Variants in GORASP2 observed in about 807,000 individuals in gnomAD.
GORASP2 encodes the protein golgi reassembly stacking protein 2.
A neutral mutation model predicts 45.7 loss-of-function variants in GORASP2; 22 were observed. That is an observed-to-expected ratio of 0.48 (90% CI 0.34 to 0.69). GORASP2 has a LOEUF of 0.69. GORASP2 is among the 30% of genes least tolerant of loss of function. The pLI is 0.01. For missense variants in GORASP2, 491 were observed against 562.7 expected, an observed-to-expected ratio of 0.87 and a Z score of 1.29; for synonymous variants, 221 against 215.6, an observed-to-expected ratio of 1.02 and a Z score of -0.22.
rs921536773 is a variant in GORASP2, at chr2:170,951,412, C to T, written c.520C>T (p.Arg174Ter). The change falls in exon 5 of 10, where the codon CGA (arginine) becomes TGA (stop). Residue 174 changes from arginine to a stop codon, truncating the protein, a stop_gained. Coordinates refer to ENST00000234160, the MANE Select transcript of GORASP2 (RefSeq NM_015530.5). LOFTEE classifies it high-confidence loss of function. The part of the protein sequence containing the change: ...YVYNTDTDNC[R>*]EVIITPNSAW... ...GTACAACACAGACACTGATAACTGT[C>T]GAGAAGTGATTATTACACCAAATTC... 1.2e-6 allele frequency: 2 copies of T among 1,611,284 alleles called. No homozygotes were observed. The highest frequency in any genetic ancestry group is 1.3e-5 in the African/African-American group (1 of 74,914).
chr2:170,955,465 A>G (rs1704403199), intron 6 of GORASP2, among the ~76,000 whole-genome samples: 1 of 152,200 alleles, frequency 6.6e-6, no homozygotes, highest in Non-Finnish European at 1.5e-5. Flanking sequence ...GGGCTTTTGA[A>G]TGTTTCTTAA....
intron 1 of GORASP2, among the ~76,000 whole-genome samples, chr2:170,946,853 T>C (rs1327569895): frequency 6.6e-6 from 1 of 151,796 alleles, no homozygotes; most frequent in African/African-American, 2.4e-5. Context: ...GGCACAAGAA[T>C]TGCTTGAACC....
At chr2:170,929,582 G>A in intron 1 of GORASP2, 179 bp downstream of exon 1, 1 of 575,486 alleles carries the variant, frequency 1.7e-6, no homozygotes, top group Non-Finnish European at 3.1e-6. Flanking sequence ...TCCCACCTCC[G>A]CGGAGCGCCC....
In GORASP2 at chr2:170,956,446, C is replaced by A. The variant is rs1252901372; in HGVS notation, c.710C>A (p.Ser237Tyr). The A allele has an allele frequency of 6.2e-7, 1 of 1,610,314 alleles. No individual in the cohort carries two copies. The highest frequency in any genetic ancestry group is 8.5e-7 in the Non-Finnish European group (1 of 1,178,924). ...LKDGFTEVQL[S>Y]SVNPPSLSPP... ...TTCTTTTTTTGGAAGGTCCAGCTGT[C>A]CTCAGTTAATCCCCCGTCTTTGTCA... The change falls in exon 7 of 10, where the codon TCC becomes TAC. Residue 237 changes from serine to tyrosine, a missense_variant. Transcript: ENST00000234160.
intron 2 of GORASP2, 98 bp downstream of exon 2, chr2:170,948,528 C>A: frequency 1.5e-6 from 1 of 664,690 alleles, no homozygotes; most frequent in South Asian, 1.8e-5. Flanking sequence ...TAGTTACAAT[C>A]ATTATGTGTA....
At chr2:170,936,521 T>G (rs1044050046) in intron 1 of GORASP2, 5 of 594,870 alleles carry the variant, frequency 8.4e-6, no homozygotes, top group East Asian at 6.8e-5. Context: ...CACCTAGTCC[T>G]AAGTAGTTAC....
rs1437987175 is a variant in GORASP2 at position 170,948,416 on chromosome 2, A to AAT, written c.131_132dup (p.Gly45MetfsTer5). The AAT allele has an allele frequency of 5.8e-6, 9 of 1,559,476 alleles. No individual in the cohort carries two copies. Among genetic ancestry groups the AAT allele is most frequent in the Non-Finnish European group, 8.0e-6 (9 of 1,131,988 alleles). On this transcript the variant is annotated frameshift_variant, in exon 2 of 10. Coordinates refer to ENST00000234160, the MANE Select transcript of GORASP2 (RefSeq NM_015530.5). LOFTEE classifies it high-confidence loss of function. ...TTTCTTTGATTTTATTGTTTCTATT[A>AAT]ATGGTTCAAGATTAGTAAGTTCAAC...
chr2:170,935,660 A>G (rs1703932278), intron 1 of GORASP2, among the ~76,000 whole-genome samples: 1 of 147,450 alleles, frequency 6.8e-6, no homozygotes, highest in Admixed American at 6.8e-5. Context: ...GCAGCCTCCA[A>G]CTCCCAGGCT....
At chr2:170,938,400 T>C (rs1215747823) in intron 1 of GORASP2, among the ~76,000 whole-genome samples, 2 of 152,262 alleles carry the variant, frequency 1.3e-5, no homozygotes, top group Non-Finnish European at 2.9e-5. Context: ...TGAGGTCAGA[T>C]CTGACCCATT....
intron 2 of GORASP2, among the ~76,000 whole-genome samples, chr2:170,949,170 C>T (rs1421721866): frequency 2.0e-5 from 3 of 152,226 alleles, no homozygotes; most frequent in Admixed American, 6.5e-5. Context: ...CAAAATTAAA[C>T]GTTAACCCCA....
intron 7 of GORASP2, among the ~76,000 whole-genome samples, chr2:170,957,346 G>A (rs1704450061): frequency 6.6e-6 from 1 of 151,688 alleles, no homozygotes; most frequent in Non-Finnish European, 1.5e-5. Context: ...GCATGGTCTT[G>A]GCTCACTGCA....
chr2:170,961,419 G>C (rs546969529), intron 7 of GORASP2, among the ~76,000 whole-genome samples: 4,981 of 152,252 alleles, frequency 0.033, 283 homozygotes, highest in African/African-American at 0.11. Flanking sequence ...GCTGGGCTGG[G>C]GTGGGACTGC....
At chr2:170,939,231 T>G (rs1055744620) in intron 1 of GORASP2, among the ~76,000 whole-genome samples, 1 of 152,240 alleles carries the variant, frequency 6.6e-6, no homozygotes, top group Admixed American at 6.5e-5. Flanking sequence ...TTCCTTTTAG[T>G]TGCCATTACA....
At chr2:170,964,719 C>T (rs570429945) in intron 9 of GORASP2, among the ~76,000 whole-genome samples, 2 of 151,992 alleles carry the variant, frequency 1.3e-5, no homozygotes, top group Non-Finnish European at 2.9e-5. Context: ...TCGCAGCGCT[C>T]ACCCCACCTT....
intron 7 of GORASP2, 21 bp downstream of exon 7, chr2:170,956,580 T>G: frequency 6.3e-7 from 1 of 1,585,138 alleles, no homozygotes; most frequent in Non-Finnish European, 8.6e-7. Context: ...AAATATATTC[T>G]GTTTTCAGTC....
chr2:170,936,076 A>T (rs1329574261), intron 1 of GORASP2, among the ~76,000 whole-genome samples: 1 of 152,164 alleles, frequency 6.6e-6, no homozygotes, highest in African/African-American at 2.4e-5. Flanking sequence ...TTTTATAAAA[A>T]TTGAGCTTAG....
At chr2:170,962,104 G>A (rs553346594) in intron 8 of GORASP2, among the ~76,000 whole-genome samples, 10 of 152,240 alleles carry the variant, frequency 6.6e-5, no homozygotes, top group Non-Finnish European at 1.0e-4. Context: ...GCAGTCATTC[G>A]TGTGAGCCTG....
At position 170,966,404 on chromosome 2, in the gene GORASP2, G is replaced by A; in HGVS notation, c.*274G>A. On this transcript the variant is annotated 3_prime_UTR_variant, in exon 10 of 10. Transcript: ENST00000234160. ...CTGCCAGGCTTGCACTGCCGTTCCT[G>A]GGGGTGTGCATCTTCGGGAAAGGTG... 1 of 497,810 alleles carries A rather than the reference G, an allele frequency of 2.0e-6. No individual in the cohort carries two copies. Among genetic ancestry groups the A allele is most frequent in the Non-Finnish European group, 3.6e-6 (1 of 276,736 alleles). 30.8% of individuals were successfully genotyped at this position (497,810 alleles called of 1,614,324 possible).
At chr2:170,930,262 A>T (rs1703787096) in intron 1 of GORASP2, among the ~76,000 whole-genome samples, 1 of 152,238 alleles carries the variant, frequency 6.6e-6, no homozygotes, top group Non-Finnish European at 1.5e-5. Flanking sequence ...GGTACAAAGC[A>T]TGTGGTCTTT....
Sources: allele counts gnomAD v4.1 joint callset (sites outside exome capture counted in the v4.1 genomes callset), GRCh38; gene constraint gnomAD v4.1.1; transcripts MANE v1.5; gene names NCBI Gene and HGNC (gene_info 2026-07-23, HGNC 2026-07-21).